The following TMCO4 variants were observed in gnomAD, a reference collection of about 807,000 sequenced individuals.
TMCO4 encodes transmembrane and coiled-coil domain-containing protein 4.
In TMCO4, 58 loss-of-function variants were observed where a neutral mutation model predicts 64.7. The ratio of observed to expected loss-of-function variants is 0.90; its 90% CI spans 0.73 to 1.12. The LOEUF is 1.12. Ranked by LOEUF, TMCO4 falls within the 50% of genes most tolerant of loss-of-function variation. TMCO4 has a pLI of 0.00. For missense variants in TMCO4, 780 were observed against 825.9 expected (o/e 0.94, Z 0.68); for synonymous variants, 325 against 346.1 (o/e 0.94, Z 0.68).
intron 13 of TMCO4, among the ~76,000 whole-genome samples, chr1:19,715,122 T>A (rs2095349477): frequency 6.6e-6 from 1 of 152,058 alleles, no homozygotes; most frequent in African/African-American, 2.4e-5. Flanking sequence ...CAGTTCCAGC[T>A]ACTTGGGGGT....
chr1:19,699,350 A>G (rs1183181666), intron 14 of TMCO4, among the ~76,000 whole-genome samples: 1 of 151,846 alleles, frequency 6.6e-6, no homozygotes, highest in Non-Finnish European at 1.5e-5. Flanking sequence ...TATTATTCCT[A>G]TTTTATAGGT....
chr1:19,717,348 G>A (rs561679476), intron 13 of TMCO4, among the ~76,000 whole-genome samples: 1 of 152,314 alleles, frequency 6.6e-6, no homozygotes, highest in East Asian at 1.9e-4. Flanking sequence ...AATGGGGTCT[G>A]CCTGATTGCT....
In TMCO4 at chr1:19,747,053, G is replaced by A. The variant is rs561396229; in HGVS notation, c.613+110C>T. The A allele has an allele frequency of 1.1e-4, 119 of 1,096,526 alleles. No homozygotes were observed. In the East Asian group the frequency reaches 2.7e-3, roughly 25 times the overall value. The allele number at this position is 1,096,526 out of a possible 1,614,324, so 67.9% of individuals were successfully genotyped here. A position where few individuals can be genotyped will look rare whatever the true frequency, so the allele number is the denominator to read the frequency against. On this transcript the variant is annotated intron_variant, in intron 8 of 15. Transcript: ENST00000294543. ...CTCACTGACTACCTACCACATGCCA[G>A]GGGCCACCTCCCAGCTGAGCCCCTG...
chr1:19,774,566 T>C (rs1300263411), intron 4 of TMCO4, among the ~76,000 whole-genome samples: 2 of 152,106 alleles, frequency 1.3e-5, no homozygotes, highest in Admixed American at 6.5e-5. Flanking sequence ...AAAAAATATA[T>C]ATGCAAAGTG....
At chr1:19,776,611 C>T (rs560290203) in intron 4 of TMCO4, among the ~76,000 whole-genome samples, 3 of 152,202 alleles carry the variant, frequency 2.0e-5, no homozygotes, top group Admixed American at 6.5e-5. Flanking sequence ...CAAGGGCCAT[C>T]AACACATACC....
chr1:19,683,304 T>G lies in TMCO4; in HGVS notation c.1641A>C (p.Ala547=). The change falls in exon 16 of 16, where the codon GCA becomes GCC. Residue 547 remains alanine (A), a synonymous_variant. Coordinates refer to ENST00000294543, the MANE Select transcript of TMCO4 (RefSeq NM_181719.7). ...GGGTCTCGCCTGATGAGGCGGCAGC[T>G]GCTGCCTGGCGAGGCTCCTCGGAGG... ...CLPSEEPRQA[A]AAASSGETPH... is the part of the protein sequence containing the mutation. The G allele has an allele frequency of 6.2e-7, 1 of 1,614,050 alleles. No homozygotes were observed. Among genetic ancestry groups the G allele is most frequent in the Non-Finnish European group, 8.5e-7 (1 of 1,179,944 alleles).
At position 19,755,762 on chromosome 1, in the gene TMCO4, G is replaced by A. The variant is rs751204189; in HGVS notation, c.387C>T (p.His129=). The change falls in exon 7 of 16, where the codon CAC becomes CAT. Residue 129 remains histidine (H), a synonymous_variant. Coordinates refer to ENST00000294543, the MANE Select transcript of TMCO4 (RefSeq NM_181719.7). ...CGAGGACTCTGGCCCGGGCGTCATA[G>A]TGCCCTCGAAAGACAGAAACAACAC... ...DLLSFSLKDG[H]YDARARVLVC... is the part of the protein sequence containing the mutation. 11 of 1,614,050 alleles carry A rather than the reference G, an allele frequency of 6.8e-6. No homozygotes were observed. In the South Asian group the frequency reaches 1.2e-4, roughly 18 times the overall value.
intron 6 of TMCO4, among the ~76,000 whole-genome samples, chr1:19,768,116 G>C (rs1013112094): frequency 7.4e-5 from 11 of 149,650 alleles, no homozygotes; most frequent in African/African-American, 2.8e-4. Context: ...AAAAAAAAGA[G>C]GATCATCCAA....
intron 13 of TMCO4, among the ~76,000 whole-genome samples, chr1:19,726,418 C>T (rs1246354135): frequency 2.0e-5 from 3 of 151,324 alleles, no homozygotes; most frequent in East Asian, 1.9e-4. Context: ...GAGCCGAGGT[C>T]GTGCCACCGC....
intron 2 of TMCO4, among the ~76,000 whole-genome samples, chr1:19,792,605 T>A (rs1210444901): frequency 1.3e-5 from 2 of 152,102 alleles, no homozygotes; most frequent in African/African-American, 2.4e-5. Flanking sequence ...TCAAATATGG[T>A]CAATACCATC....
chr1:19,768,055 T>C (rs2042815832), intron 6 of TMCO4, among the ~76,000 whole-genome samples: 1 of 148,818 alleles, frequency 6.7e-6, no homozygotes, highest in Admixed American at 6.8e-5. Context: ...TCATGCCACC[T>C]GTACTCCAGC....
intron 13 of TMCO4, among the ~76,000 whole-genome samples, chr1:19,736,498 A>G (rs983928385): frequency 6.6e-6 from 1 of 152,158 alleles, no homozygotes; most frequent in African/African-American, 2.4e-5. Context: ...TCTTGCCTTC[A>G]GAGTCCTGCC....
intron 13 of TMCO4, among the ~76,000 whole-genome samples, chr1:19,731,063 G>A (rs997506525): frequency 6.6e-6 from 1 of 152,168 alleles, no homozygotes; most frequent in Non-Finnish European, 1.5e-5. Context: ...AGCAGCCCTG[G>A]GCAAAGGGTG....
chr1:19,715,395 T>C lies in TMCO4; in HGVS notation c.1265-14510A>G, dbSNP rs552197458. ...AGTTGCTGGGATTACAGGCACAGGT[T>C]ACCAGTCATGGCTAATTAAAAACAA... is the stretch of plus-strand genomic sequence containing the variant. On this transcript the variant is annotated intron_variant, in intron 13 of 15. Transcript: ENST00000294543. Among the ~76,000 whole-genome samples, 3 of 152,306 alleles carry C rather than the reference T, an allele frequency of 2.0e-5. No individual in the cohort carries two copies. In the South Asian group the frequency reaches 6.2e-4, roughly 32 times the overall value.
intron 6 of TMCO4, 40 bp from the exon 7 acceptor site, chr1:19,755,806 G>A (rs534939854): frequency 1.2e-6 from 2 of 1,612,954 alleles, no homozygotes; most frequent in South Asian, 2.2e-5. Context: ...AATCAGTTTA[G>A]GTTTTAAGAA....
chr1:19,692,246 C>T (rs771848123), intron 15 of TMCO4, among the ~76,000 whole-genome samples: 12 of 152,116 alleles, frequency 7.9e-5, no homozygotes, highest in Admixed American at 3.9e-4. Context: ...TTCCTTATTC[C>T]TCCCCTCCCC....
Position 19,780,579 on chromosome 1 carries a change from C to A in TMCO4, c.179+1G>T. 4.4e-6 allele frequency: 7 copies of A among 1,594,012 alleles called. No individual in the cohort carries two copies. Among genetic ancestry groups the A allele is most frequent in the Non-Finnish European group, 6.0e-6 (7 of 1,170,936 alleles). On this transcript the variant is annotated splice_donor_variant, in intron 4 of 15. Coordinates refer to ENST00000294543, the MANE Select transcript of TMCO4 (RefSeq NM_181719.7). LOFTEE classifies it high-confidence loss of function. ...TCCCACTGCAAGACAGAAGAACTCA[C>A]CTGTGTTCGGGTTCAGGAAATAACT...
intron 7 of TMCO4, among the ~76,000 whole-genome samples, chr1:19,754,577 TA>T (rs969610357): frequency 3.9e-5 from 6 of 152,034 alleles, no homozygotes; most frequent in African/African-American, 7.2e-5. Flanking sequence ...CCACGGCAGC[TA>T]AAAAAAACCC....
At chr1:19,778,461 A>G (rs2043312107) in intron 4 of TMCO4, among the ~76,000 whole-genome samples, 1 of 151,958 alleles carries the variant, frequency 6.6e-6, no homozygotes, top group Non-Finnish European at 1.5e-5. Context: ...TTTAGTAGAG[A>G]TGGGGTTTCA....
Sources: gnomAD v4.1 joint callset for allele counts (sites outside exome capture counted in the v4.1 genomes callset) on GRCh38, gnomAD v4.1.1 for gene constraint, MANE v1.5 for transcripts, NCBI Gene and HGNC (gene_info 2026-07-23, HGNC 2026-07-21) for gene names.